The following AP1S3 variants were observed in gnomAD, a reference collection of about 807,000 sequenced individuals.
The protein encoded by AP1S3 is adaptor related protein complex 1 subunit sigma 3, also known as AP-1 complex subunit sigma-3.
In AP1S3, 10 loss-of-function variants were observed where a neutral mutation model predicts 20.9. That is an observed-to-expected ratio of 0.48 (90% CI 0.29 to 0.81). The LOEUF is 0.81. AP1S3 is among the 30% of genes least tolerant of loss of function. The probability of loss-of-function intolerance (pLI) is 0.08; values close to 1 mark genes in which losing one functional copy is unlikely to be tolerated. For missense variants in AP1S3, 154 were observed against 183.8 expected (o/e 0.84, Z 0.94); for synonymous variants, 41 against 61.5 (o/e 0.67, Z 1.56).
At chr2:223,780,337 AGAGAGAGAGAGAGAGAGAGAGTGTGT>A (rs1351862805) in intron 1 of AP1S3, among the ~76,000 whole-genome samples, 150 of 125,262 alleles carry the variant, frequency 1.2e-3, no homozygotes, top group African/African-American at 4.6e-3. Context: ...AGAGAGAGAG[AGAGAGAGAGAGAGAGAGAGAGTGTGT>A]GTGTGTGTGT....
intron 1 of AP1S3, among the ~76,000 whole-genome samples, chr2:223,780,335 AGAGAGAGAGAGAGAGAGAGAGAGT>A (rs1239464985): frequency 3.2e-4 from 40 of 125,728 alleles, no homozygotes; most frequent in Non-Finnish European, 3.8e-4. Flanking sequence ...AGAGAGAGAG[AGAGAGAGAGAGAGAGAGAGAGAGT>A]GTGTGTGTGT....
chr2:223,780,397 T>TGTGTGTGTGTG (rs1690915736), intron 1 of AP1S3, among the ~76,000 whole-genome samples: 1 of 138,430 alleles, frequency 7.2e-6, no homozygotes, highest in East Asian at 2.1e-4. Context: ...TGTGTGTGTG[T>TGTGTGTGTGTG]TTTGTAGAGA....
In AP1S3 at chr2:223,758,525, T is replaced by A; in HGVS notation, c.*190A>T. 7.7e-7 allele frequency: 1 copy of A among 1,295,904 alleles called. No individual in the cohort carries two copies. Among genetic ancestry groups the A allele is most frequent in the Non-Finnish European group, 9.8e-7 (1 of 1,023,584 alleles). 80.3% of individuals were successfully genotyped at this position (1,295,904 alleles called of 1,614,324 possible). A position where few individuals can be genotyped will look rare whatever the true frequency, so the allele number is the denominator to read the frequency against. ...ATACAGTATAACACAGACACATAATTTTTTTTAATAATACAGACACATAGT... is the reference window on the plus strand; with the variant it reads ...ATACAGTATAACACAGACACATAATATTTTTTAATAATACAGACACATAGT... On this transcript the variant is annotated 3_prime_UTR_variant, in exon 5 of 5. Transcript: ENST00000396654.
rs919501468 is a variant in AP1S3 at position 223,756,392 on chromosome 2, GGGAA to G, written c.*2319_*2322del. The G allele has an allele frequency of 2.3e-5, 9 of 395,248 alleles. No homozygotes were observed. The highest frequency in any genetic ancestry group is 2.0e-4 in the East Asian group (1 of 4,972). 24.5% of individuals were successfully genotyped at this position (395,248 alleles called of 1,614,324 possible). A position where few individuals can be genotyped will look rare whatever the true frequency, so the allele number is the denominator to read the frequency against. On this transcript the variant is annotated 3_prime_UTR_variant, in exon 5 of 5. Coordinates refer to ENST00000396654, the MANE Select transcript of AP1S3 (RefSeq NM_001039569.2). The stretch of plus-strand genomic sequence containing the variant: ...AAGAAAGAAAGGAGGGAGGGAGGAA[GGGAA>G]GGAAGGAAGGGAGGGAAGGAGAGAG...
chr2:223,757,772 A>C lies in AP1S3; in HGVS notation c.*943T>G, dbSNP rs936327409. The C allele has an allele frequency of 6.1e-6, 6 of 985,330 alleles. No individual in the cohort carries two copies. The highest frequency in any genetic ancestry group is 7.2e-6 in the Non-Finnish European group (6 of 829,928). 61.0% of individuals were successfully genotyped at this position (985,330 alleles called of 1,614,324 possible). ...AGGAATCTACCATATAGGCTGTGAT[A>C]ATCTTAAATGCTCTAAGTAAGCCAT... On this transcript the variant is annotated 3_prime_UTR_variant, in exon 5 of 5. Coordinates refer to ENST00000396654, the MANE Select transcript of AP1S3 (RefSeq NM_001039569.2).
In AP1S3 at chr2:223,832,135, CTGTGTGTGTGTG is replaced by C. The variant is rs774812162; in HGVS notation, c.3+5301_3+5312del. Among the ~76,000 whole-genome samples, 119 of 70,782 alleles carry C rather than the reference CTGTGTGTGTGTG, an allele frequency of 1.7e-3. 2 individuals are homozygous for C. The highest frequency in any genetic ancestry group is 3.5e-3 in the African/African-American group (84 of 23,938). The allele number at this position is 70,782 out of a possible 152,430, so 46.4% of individuals were successfully genotyped here. ...GGGGATTATTAAAGGAGTTTTCTCT[CTGTGTGTGTGTG>C]TGTGTGTGTGTGTGTGTGTGTGTGT... On this transcript the variant is annotated intron_variant, in intron 1 of 4. Transcript: ENST00000396654.
intron 1 of AP1S3, among the ~76,000 whole-genome samples, chr2:223,781,315 G>A (rs1019311240): frequency 6.6e-6 from 1 of 151,822 alleles, no homozygotes; most frequent in Non-Finnish European, 1.5e-5. Context: ...AGACATCACA[G>A]GTGATGAGAA....
chr2:223,825,084 C>T (rs1291278147), intron 1 of AP1S3, among the ~76,000 whole-genome samples: 4 of 151,386 alleles, frequency 2.6e-5, no homozygotes, highest in Admixed American at 6.6e-5. Flanking sequence ...CTGAGGCGGG[C>T]GGAGCACGAG....
chr2:223,770,497 TACACAC>T (rs58486635), intron 3 of AP1S3, among the ~76,000 whole-genome samples: 27 of 141,638 alleles, frequency 1.9e-4, no homozygotes, highest in African/African-American at 4.0e-4. Context: ...AGAGAGACAA[TACACAC>T]ACACACACAC....
At chr2:223,790,037 GA>G (rs1691175848) in intron 1 of AP1S3, among the ~76,000 whole-genome samples, 1 of 152,072 alleles carries the variant, frequency 6.6e-6, no homozygotes, top group Non-Finnish European at 1.5e-5. Flanking sequence ...CCATCAACAC[GA>G]AACTTCAGAA....
Position 223,755,968 on chromosome 2 carries a change from T to C in AP1S3, c.*2747A>G. On this transcript the variant is annotated 3_prime_UTR_variant, in exon 5 of 5. Coordinates refer to ENST00000396654, the MANE Select transcript of AP1S3 (RefSeq NM_001039569.2). ...TTCAAGAGATACCTTTATCCAAATA[T>C]GGTGACAAATTTCAAAAGAACCGGA... The C allele has an allele frequency of 2.0e-6, 2 of 985,486 alleles. No homozygotes were observed. Among genetic ancestry groups the C allele is most frequent in the Non-Finnish European group, 1.2e-6 (1 of 829,944 alleles). 61.0% of individuals were successfully genotyped at this position (985,486 alleles called of 1,614,324 possible).
At chr2:223,801,683 G>T (rs7558399) in intron 1 of AP1S3, among the ~76,000 whole-genome samples, 6 of 151,872 alleles carry the variant, frequency 4.0e-5, no homozygotes, top group Non-Finnish European at 8.8e-5. Context: ...ACTCCAAGTG[G>T]TCTGCCCGCC....
rs1690226457 is a variant in AP1S3, at chr2:223,756,511, T to G, written c.*2204A>C. 1 of 980,542 alleles carries G rather than the reference T, an allele frequency of 1.0e-6. No individual in the cohort carries two copies. Among genetic ancestry groups the G allele is most frequent in the African/African-American group, 1.8e-5 (1 of 55,236 alleles). 60.7% of individuals were successfully genotyped at this position (980,542 alleles called of 1,614,324 possible). ...AAAAGAAAGAAAAAATTCTAACACA[T>G]TAAAAAGTTAAACCACAAAACTGAA... is the stretch of plus-strand genomic sequence containing the variant. On this transcript the variant is annotated 3_prime_UTR_variant, in exon 5 of 5. Transcript: ENST00000396654.
At chr2:223,833,680 A>G (rs1692329137) in intron 1 of AP1S3, among the ~76,000 whole-genome samples, 1 of 152,238 alleles carries the variant, frequency 6.6e-6, no homozygotes, top group South Asian at 2.1e-4. Context: ...GTGAGCCTCA[A>G]CAAAGGTCTC....
At chr2:223,826,124 CTGTCAGTTGTTT>C (rs1455665216) in intron 1 of AP1S3, among the ~76,000 whole-genome samples, 1 of 152,176 alleles carries the variant, frequency 6.6e-6, no homozygotes, top group Non-Finnish European at 1.5e-5. Flanking sequence ...TCCACAACAC[CTGTCAGTTGTTT>C]AATTTTTTCC....
At chr2:223,784,771 G>A (rs1264223350) in intron 1 of AP1S3, among the ~76,000 whole-genome samples, 1 of 152,052 alleles carries the variant, frequency 6.6e-6, no homozygotes, top group Admixed American at 6.5e-5. Flanking sequence ...GTCCGAGGTG[G>A]GAAGATCACT....
intron 1 of AP1S3, among the ~76,000 whole-genome samples, chr2:223,795,147 G>T (rs1052130038): frequency 1.3e-5 from 2 of 152,226 alleles, no homozygotes; most frequent in African/African-American, 4.8e-5. Context: ...TACTCAGGAG[G>T]CTGAGGCAGG....
chr2:223,789,013 C>T (rs929868325), intron 1 of AP1S3, among the ~76,000 whole-genome samples: 1 of 152,150 alleles, frequency 6.6e-6, no homozygotes, highest in African/African-American at 2.4e-5. Context: ...GTCAACCTGT[C>T]TATGCCCTCA....
intron 1 of AP1S3, among the ~76,000 whole-genome samples, chr2:223,824,485 G>A (rs1477408212): frequency 1.3e-5 from 2 of 152,154 alleles, no homozygotes; most frequent in African/African-American, 2.4e-5. Context: ...CTGAGGCACC[G>A]CCTGACTTTG....
Sources: gnomAD v4.1 joint callset for allele counts (sites outside exome capture counted in the v4.1 genomes callset) on GRCh38, gnomAD v4.1.1 for gene constraint, MANE v1.5 for transcripts, NCBI Gene and HGNC (gene_info 2026-07-23, HGNC 2026-07-21) for gene names.